Variants in PRPF19 observed in about 807,000 individuals in gnomAD.
The protein encoded by PRPF19 is pre-mRNA processing factor 19.
In PRPF19, 2 loss-of-function variants were observed where a neutral mutation model predicts 64.2. The observed-to-expected ratio is 0.03, with a 90% confidence interval of 0.01 to 0.10. The LOEUF is 0.10. Ranked by LOEUF, PRPF19 falls within the 10% of genes least tolerant of loss-of-function variation. The pLI is 1.00. For missense variants in PRPF19, 314 were observed against 650.0 expected (o/e 0.48, Z 5.62); for synonymous variants, 226 against 251.6 (o/e 0.90, Z 0.96).
At position 60,903,357 on chromosome 11, in the gene PRPF19, T is replaced by C. The variant is rs567397336; in HGVS notation, c.246+102A>G. On this transcript the variant is annotated intron_variant, in intron 3 of 15. Transcript: ENST00000227524. ...AAACAAATCCCTGATGTCACAAAGT[T>C]TACCCTCTAAATAATGCTCCATCCT... The C allele has an allele frequency of 1.6e-4, 199 of 1,249,638 alleles. No homozygotes were observed. The East Asian group carries it at 3.4e-3, about 21-fold the overall frequency. 77.4% of individuals were successfully genotyped at this position (1,249,638 alleles called of 1,614,324 possible).
chr11:60,901,595 A>T, intron 6 of PRPF19, 55 bp from the exon 7 acceptor site: 2 of 1,600,588 alleles, frequency 1.2e-6, no homozygotes, highest in South Asian at 2.2e-5. Context: ...AGAAAAGTAC[A>T]TTAGATGCTG....
At position 60,900,591 on chromosome 11, in the gene PRPF19, G is replaced by A. The variant is rs772598122; in HGVS notation, c.819C>T (p.His273=). 2.6e-6 allele frequency: 4 copies of A among 1,552,190 alleles called. No individual in the cohort carries two copies. In the African/African-American group the frequency reaches 4.1e-5, roughly 16 times the overall value. ...HTKKVTSVVF[H]PSQDLVFSAS... is the part of the protein sequence containing the mutation. ...GAGGAGAACCCCTTACCTGGGAAGG[G>A]TGAAACACCACGCTGGTGACCTTCT... is the stretch of plus-strand genomic sequence containing the variant. Residue 273 remains histidine (H), a synonymous_variant, in exon 10 of 16, where the codon CAC becomes CAT. Transcript: ENST00000227524.
chr11:60,897,288 T>A (rs942152759), intron 15 of PRPF19, among the ~76,000 whole-genome samples: 1 of 152,240 alleles, frequency 6.6e-6, no homozygotes. Context: ...TACCGGTTTG[T>A]AGCCTAGGAG....
At chr11:60,900,380 G>T (rs1336873323) in intron 10 of PRPF19, among the ~76,000 whole-genome samples, 1 of 152,148 alleles carries the variant, frequency 6.6e-6, no homozygotes, top group Non-Finnish European at 1.5e-5. Context: ...TTCTCTCCCT[G>T]GCTGGAAGAT....
chr11:60,897,323 T>C (rs1016173761), intron 15 of PRPF19, among the ~76,000 whole-genome samples: 6 of 152,276 alleles, frequency 3.9e-5, no homozygotes, highest in African/African-American at 1.4e-4. Flanking sequence ...ACTAAGGTTA[T>C]AGCAATAGTC....
intron 10 of PRPF19, among the ~76,000 whole-genome samples, chr11:60,900,007 T>C (rs1342001194): frequency 6.6e-6 from 1 of 152,196 alleles, no homozygotes; most frequent in Non-Finnish European, 1.5e-5. Flanking sequence ...CTCATTTCCC[T>C]AAGGTCCAAG....
At position 60,890,660 on chromosome 11, in the gene PRPF19, T is replaced by C. The variant is rs1033451221; in HGVS notation, c.*506A>G. The C allele has an allele frequency of 2.0e-5, 9 of 439,394 alleles. No individual in the cohort carries two copies. Among genetic ancestry groups the C allele is most frequent in the African/African-American group, 1.6e-4 (8 of 49,152 alleles). The allele number at this position is 439,394 out of a possible 1,614,324, so 27.2% of individuals were successfully genotyped here. ...TCCCGGAAGCCAGTGTCCCAGTGTG[T>C]GCTCCCTCCCCTTGACCTTCCCAGT... On this transcript the variant is annotated 3_prime_UTR_variant, in exon 16 of 16. Coordinates refer to ENST00000227524, the MANE Select transcript of PRPF19 (RefSeq NM_014502.5).
intron 10 of PRPF19, among the ~76,000 whole-genome samples, chr11:60,900,151 G>A (rs1303236237): frequency 6.6e-6 from 1 of 152,118 alleles, no homozygotes; most frequent in Non-Finnish European, 1.5e-5. Context: ...GTAAACCAGA[G>A]GTTCTGTTTA....
chr11:60,893,538 T>C (rs1198458418), intron 15 of PRPF19, among the ~76,000 whole-genome samples: 2 of 150,010 alleles, frequency 1.3e-5, no homozygotes, highest in Non-Finnish European at 3.0e-5. Context: ...TTAGGTACAG[T>C]ACGTTACTGG....
At chr11:60,904,154 G>A (rs1390401295) in intron 1 of PRPF19, among the ~76,000 whole-genome samples, 1 of 152,110 alleles carries the variant, frequency 6.6e-6, no homozygotes, top group Non-Finnish European at 1.5e-5. Context: ...GAGAATAGCA[G>A]TCCATTATCA....
chr11:60,895,907 G>T (rs1421919290), intron 15 of PRPF19, among the ~76,000 whole-genome samples: 1 of 152,184 alleles, frequency 6.6e-6, no homozygotes, highest in Non-Finnish European at 1.5e-5. Flanking sequence ...AATAAATTCA[G>T]TAACTTTTAT....
chr11:60,903,619 C>T, intron 2 of PRPF19, 84 bp from the exon 3 acceptor site: 5 of 1,586,972 alleles, frequency 3.2e-6, no homozygotes, highest in Non-Finnish European at 2.6e-6. Context: ...CCATAAACAG[C>T]CCACCATCTC....
intron 1 of PRPF19, among the ~76,000 whole-genome samples, chr11:60,905,172 T>C (rs1856030591): frequency 6.6e-6 from 1 of 152,266 alleles, no homozygotes; most frequent in Non-Finnish European, 1.5e-5. Flanking sequence ...ATTTACACTC[T>C]TGCCTGCGTA....
At chr11:60,897,164 TA>T (rs1565110061) in intron 15 of PRPF19, among the ~76,000 whole-genome samples, 2 of 152,192 alleles carry the variant, frequency 1.3e-5, no homozygotes, top group Non-Finnish European at 2.9e-5. Flanking sequence ...TGTACCATTT[TA>T]AAAAAATCTC....
chr11:60,898,609 A>T lies in PRPF19; in HGVS notation c.1072T>A (p.Phe358Ile). The T allele has an allele frequency of 6.2e-7, 1 of 1,614,094 alleles. No individual in the cohort carries two copies. Among genetic ancestry groups the T allele is most frequent in the Non-Finnish European group, 8.5e-7 (1 of 1,179,984 alleles). The change falls in exon 13 of 16, where the codon TTC (phenylalanine) becomes ATC (isoleucine). Residue 358 changes from phenylalanine (F) to isoleucine (I), a missense_variant. Transcript: ENST00000227524. The surrounding 1 kb of genome is among the most constrained non-coding windows in gnomAD (Gnocchi z 4.6). ...CCAAAGATGAGTCCGTCAGGGTGGA[A>T]CTGTGCACAGGTGAGAGCTGTGGAG... ...TSGCSLTCAQ[F>I]HPDGLIFGTG...
chr11:60,902,430 C>A lies in PRPF19; in HGVS notation c.498G>T (p.Val166=), dbSNP rs1450338456. The change falls in exon 6 of 16, where the codon GTG becomes GTT. Residue 166 remains valine, a synonymous_variant. Transcript: ENST00000227524. This position sits in a 1 kb window ranked among gnomAD's most constrained non-coding sequence, Gnocchi z 5.0. ...TCTGAATAATCTCTGGGGTCATTCC[C>A]ACCAGCTCACCCAAATCCATTGGCT... is the stretch of plus-strand genomic sequence containing the variant. ...AGEPMDLGEL[V]GMTPEIIQKL... The A allele has an allele frequency of 6.2e-7, 1 of 1,614,168 alleles. No homozygotes were observed. The highest frequency in any genetic ancestry group is 1.1e-5 in the South Asian group (1 of 91,084).
At position 60,898,364 on chromosome 11, in the gene PRPF19, C is replaced by A; in HGVS notation, c.1141-93G>T. 6.6e-7 allele frequency: 1 copy of A among 1,525,938 alleles called. No homozygotes were observed. The highest frequency in any genetic ancestry group is 2.0e-5 in the Admixed American group (1 of 51,076). The allele number at this position is 1,525,938 out of a possible 1,614,324, so 94.5% of individuals were successfully genotyped here. On this transcript the variant is annotated intron_variant, in intron 13 of 15. Transcript: ENST00000227524. The surrounding 1 kb of genome is among the most constrained non-coding windows in gnomAD (Gnocchi z 4.6). ...AAACTCCTACCTGAGATGTCCCTCA[C>A]GTCCTTCCAGGAAGGACAGCCAGCG...
In PRPF19 at chr11:60,891,210, C is replaced by T; in HGVS notation, c.1471G>A (p.Ala491Thr). Residue 491 changes from alanine to threonine, a missense_variant, in exon 16 of 16, where the codon GCT becomes ACT. Transcript: ENST00000227524. ...VAFGHHAKFI[A>T]STGMDRSLKF... ...AGGCTTCTGTCCATGCCTGTTGAAG[C>T]GATGAACTTGGCGTGATGCCCGAAG... The T allele has an allele frequency of 4.3e-6, 7 of 1,612,918 alleles. No individual in the cohort carries two copies. The highest frequency in any genetic ancestry group is 2.2e-5 in the East Asian group (1 of 44,816).
chr11:60,898,914 G>A lies in PRPF19; in HGVS notation c.1002C>T (p.Asp334=), dbSNP rs1304532475. The A allele has an allele frequency of 1.1e-5, 18 of 1,601,466 alleles. No homozygotes were observed. Among genetic ancestry groups the A allele is most frequent in the Non-Finnish European group, 1.4e-5 (17 of 1,173,666 alleles). Reference sequence around the variant, plus strand: ...TGGTGAGCACACGCCCTGTCTGGATGTCAGAGAAAGCCCAGTACTGGGGAA... The same window carrying A: ...TGGTGAGCACACGCCCTGTCTGGATATCAGAGAAAGCCCAGTACTGGGGAA... The part of the protein sequence containing the change: ...SSDDQYWAFS[D]IQTGRVLTKV... Residue 334 remains aspartate, a synonymous_variant, in exon 12 of 16, where the codon GAC becomes GAT. Transcript: ENST00000227524. The surrounding 1 kb of genome is among the most constrained non-coding windows in gnomAD (Gnocchi z 4.6).
Sources: gnomAD v4.1 joint callset for allele counts (sites outside exome capture counted in the v4.1 genomes callset) on GRCh38, gnomAD v4.1.1 for gene constraint, Gnocchi (gnomAD v3.1) non-coding constraint, MANE v1.5 for transcripts, NCBI Gene and HGNC (gene_info 2026-07-23, HGNC 2026-07-21) for gene names.